EPN2: variants seen among roughly 807,000 people sequenced by gnomAD.
The protein encoded by EPN2 is epsin-2.
In EPN2, 34 loss-of-function variants were observed where a neutral mutation model predicts 61.7. The ratio of observed to expected loss-of-function variants is 0.55; its 90% CI spans 0.42 to 0.73. EPN2 has a LOEUF of 0.73. EPN2 is among the 30% of genes least tolerant of loss of function. The pLI, the probability that EPN2 is intolerant of heterozygous loss-of-function variation, is 0.00. For synonymous variants in EPN2, 349 were observed against 353.6 expected, an observed-to-expected ratio of 0.99 and a Z score of 0.15; for missense variants, 714 against 839.2, an observed-to-expected ratio of 0.85 and a Z score of 1.84.
At chr17:19,238,993 GCA>G (rs1489313538) in intron 1 of EPN2, among the ~76,000 whole-genome samples, 3 of 152,166 alleles carry the variant, frequency 2.0e-5, no homozygotes, top group Admixed American at 6.5e-5. Flanking sequence ...GCTGAATCTG[GCA>G]CAGCAGTGAT....
At chr17:19,282,249 C>T (rs2045365588) in intron 2 of EPN2, 172 bp downstream of exon 2, 1 of 152,110 alleles carries the variant, frequency 6.6e-6, no homozygotes, top group Admixed American at 6.5e-5. Flanking sequence ...CTTCTGAAAG[C>T]CAAGTGGAGG....
chr17:19,275,230 A>T (rs2045294475), intron 1 of EPN2, among the ~76,000 whole-genome samples: 3 of 152,134 alleles, frequency 2.0e-5, no homozygotes, highest in African/African-American at 7.2e-5. Context: ...GGGAGCGCCC[A>T]TGCTCTGTCC....
intron 1 of EPN2, among the ~76,000 whole-genome samples, chr17:19,260,123 T>C (rs1182462274): frequency 1.3e-5 from 2 of 152,230 alleles, no homozygotes; most frequent in Non-Finnish European, 2.9e-5. Context: ...GCCCAGTGCC[T>C]GGCAGGTAGC....
chr17:19,310,653 C>T (rs1906092574), intron 5 of EPN2, among the ~76,000 whole-genome samples: 1 of 143,990 alleles, frequency 6.9e-6, no homozygotes, highest in Admixed American at 7.1e-5. Context: ...TCTTGGCTCC[C>T]TGAGACCTCC....
Position 19,335,567 on chromosome 17 carries a change from G to T in EPN2, c.*1313G>T. 1.6e-6 allele frequency: 2 copies of T among 1,256,612 alleles called. No individual in the cohort carries two copies. The highest frequency in any genetic ancestry group is 2.2e-6 in the Non-Finnish European group (2 of 917,708). The allele number at this position is 1,256,612 out of a possible 1,614,324, so 77.8% of individuals were successfully genotyped here. A position where few individuals can be genotyped will look rare whatever the true frequency, so the allele number is the denominator to read the frequency against. ...TTGTCCCGAGGGCGTGGGGTGGGGGGTGCTTCTGTGCCCACGGGTCCCTGG... is the reference window on the plus strand; with the variant it reads ...TTGTCCCGAGGGCGTGGGGTGGGGGTTGCTTCTGTGCCCACGGGTCCCTGG... On this transcript the variant is annotated 3_prime_UTR_variant, in exon 11 of 11. Transcript: ENST00000314728.
At chr17:19,296,588 A>C (rs2045522570) in intron 4 of EPN2, 3 of 152,172 alleles carry the variant, frequency 2.0e-5, no homozygotes, top group Admixed American at 2.0e-4. Flanking sequence ...ACTGTTATTC[A>C]CATGTTGGTG....
rs1907346922 is a variant in EPN2, at chr17:19,335,193, AC to A, written c.*940del. ...TTTATTTAAAAAAAAAACAACAGCA[AC>A]AAAAAATCCTAGCCTCCAGTTGCCT... On this transcript the variant is annotated 3_prime_UTR_variant, in exon 11 of 11. Transcript: ENST00000314728. 5.0e-6 allele frequency: 2 copies of A among 402,894 alleles called. No homozygotes were observed. Among genetic ancestry groups the A allele is most frequent in the Middle Eastern group, 6.3e-4 (1 of 1,588 alleles). 25.0% of individuals were successfully genotyped at this position (402,894 alleles called of 1,614,324 possible). A position where few individuals can be genotyped will look rare whatever the true frequency, so the allele number is the denominator to read the frequency against.
intron 1 of EPN2, among the ~76,000 whole-genome samples, chr17:19,248,716 G>C (rs561044678): frequency 7.9e-5 from 12 of 152,258 alleles, no homozygotes; most frequent in African/African-American, 2.4e-4. Context: ...GGCTGGGAAC[G>C]CCTGAGTGAA....
chr17:19,285,596 T>G lies in EPN2; in HGVS notation c.596-24T>G. The G allele has an allele frequency of 6.6e-7, 1 of 1,504,064 alleles. No individual in the cohort carries two copies. The highest frequency in any genetic ancestry group is 8.9e-7 in the Non-Finnish European group (1 of 1,122,028). 93.2% of individuals were successfully genotyped at this position (1,504,064 alleles called of 1,614,324 possible). Reference sequence around the variant, plus strand: ...CTCTAATGGCGTGTCTCTCTGTGTGTGTGTGTGTGTCCCTGCCCCACAGCG... The same window carrying G: ...CTCTAATGGCGTGTCTCTCTGTGTGGGTGTGTGTGTCCCTGCCCCACAGCG... On this transcript the variant is annotated intron_variant, in intron 3 of 10. Coordinates refer to ENST00000314728, the MANE Select transcript of EPN2 (RefSeq NM_014964.5). The surrounding 1 kb of genome is among the most constrained non-coding windows in gnomAD (Gnocchi z 4.5).
intron 10 of EPN2, 128 bp from the exon 11 acceptor site, chr17:19,333,828 C>T (rs971979282): frequency 3.8e-5 from 25 of 655,254 alleles, no homozygotes; most frequent in East Asian, 3.0e-5. Context: ...GCCATGGACT[C>T]GGCCGGCACT....
At chr17:19,328,105 A>G (rs1486667707) in intron 7 of EPN2, among the ~76,000 whole-genome samples, 3 of 152,140 alleles carry the variant, frequency 2.0e-5, no homozygotes, top group Non-Finnish European at 4.4e-5. Context: ...GTGACCCACT[A>G]AATTGATTTT....
intron 1 of EPN2, among the ~76,000 whole-genome samples, chr17:19,277,535 A>G (rs143087486): frequency 1.3e-5 from 2 of 152,078 alleles, no homozygotes; most frequent in Admixed American, 6.5e-5. Context: ...TTAAATGTTT[A>G]CAGGCTGTCC....
intron 1 of EPN2, among the ~76,000 whole-genome samples, chr17:19,243,455 C>T (rs910475084): frequency 7.9e-5 from 11 of 140,090 alleles, no homozygotes; most frequent in African/African-American, 2.7e-4. Flanking sequence ...TGCAGCGGCG[C>T]GATCTCAGCT....
At chr17:19,254,916 C>T (rs1863157659) in intron 1 of EPN2, among the ~76,000 whole-genome samples, 1 of 152,132 alleles carries the variant, frequency 6.6e-6, no homozygotes, top group African/African-American at 2.4e-5. Flanking sequence ...CTTACGTTTG[C>T]ATTGTTGTGA....
chr17:19,240,921 C>G (rs1054577015), intron 1 of EPN2, among the ~76,000 whole-genome samples: 1 of 152,164 alleles, frequency 6.6e-6, no homozygotes, highest in South Asian at 2.1e-4. Context: ...TTTTATGGCT[C>G]CCTACTGTTC....
In EPN2 at chr17:19,282,999, C is replaced by G. The variant is rs1289901886; in HGVS notation, c.-121C>G. 2 of 687,524 alleles carry G rather than the reference C, an allele frequency of 2.9e-6. No homozygotes were observed. The highest frequency in any genetic ancestry group is 3.6e-5 in the African/African-American group (2 of 55,280). 42.6% of individuals were successfully genotyped at this position (687,524 alleles called of 1,614,324 possible). On this transcript the variant is annotated 5_prime_UTR_variant, in exon 3 of 11. Transcript: ENST00000314728. ...CTGAGGCTCCAAAGGAGGAAATGAC[C>G]ATTCAGGGATCTTACTCCAGCTTGA... is the stretch of plus-strand genomic sequence containing the variant.
chr17:19,291,634 G>T (rs1463104877), intron 4 of EPN2, among the ~76,000 whole-genome samples: 3 of 152,022 alleles, frequency 2.0e-5, no homozygotes, highest in East Asian at 1.9e-4. Context: ...TAGAGATGGG[G>T]TTTCACCGTG....
intron 7 of EPN2, among the ~76,000 whole-genome samples, chr17:19,317,878 G>A (rs1451701691): frequency 6.6e-6 from 1 of 152,128 alleles, no homozygotes; most frequent in African/African-American, 2.4e-5. Flanking sequence ...GGCCCTCAGG[G>A]AATGATTGTG....
Position 19,283,034 on chromosome 17 carries a change from C to A in EPN2, c.-86C>A. The A allele has an allele frequency of 2.2e-6, 2 of 920,986 alleles. No homozygotes were observed. The highest frequency in any genetic ancestry group is 3.3e-6 in the Non-Finnish European group (2 of 612,306). The allele number at this position is 920,986 out of a possible 1,614,324, so 57.1% of individuals were successfully genotyped here. On this transcript the variant is annotated 5_prime_UTR_variant, in exon 3 of 11. In the 5' UTR this introduces an upstream ATG that the reference lacks. Coordinates refer to ENST00000314728, the MANE Select transcript of EPN2 (RefSeq NM_014964.5). This position sits in a 1 kb window ranked among gnomAD's most constrained non-coding sequence, Gnocchi z 7.0. ...TCTTACTCCAGCTTGATTACGGAGA[C>A]TGAACCTTCATAGGGTGCGCACTTA...
Sources: gnomAD v4.1 joint callset for allele counts (sites outside exome capture counted in the v4.1 genomes callset) on GRCh38, gnomAD v4.1.1 for gene constraint, Gnocchi (gnomAD v3.1) non-coding constraint, MANE v1.5 for transcripts, NCBI Gene and HGNC (gene_info 2026-07-23, HGNC 2026-07-21) for gene names.